The following KCNIP1 variants were observed in gnomAD, a reference collection of about 807,000 sequenced individuals.
KCNIP1 encodes potassium voltage-gated channel interacting protein 1.
Under a neutral mutation model 33.0 loss-of-function variants are expected in KCNIP1, and 18 were observed. The observed-to-expected ratio is 0.55, with a 90% CI of 0.38 to 0.81. The LOEUF is 0.81. Among genes scored for constraint, KCNIP1 ranks in the 30% least tolerant of loss-of-function variants. KCNIP1 has a pLI of 0.00. For missense variants in KCNIP1, 238 were observed against 271.6 expected (o/e 0.88, Z 0.87); for synonymous variants, 93 against 98.3 (o/e 0.95, Z 0.32).
chr5:170,663,797 A>G (rs10475948), intron 1 of KCNIP1, among the ~76,000 whole-genome samples: 100,500 of 151,530 alleles, frequency 0.66, 34,698 homozygotes, highest in African/African-American at 0.86. Context: ...CCCACCTACC[A>G]TGGCCCAGCA....
At chr5:170,416,858 T>A (rs1194126379) in intron 1 of KCNIP1, among the ~76,000 whole-genome samples, 1 of 152,200 alleles carries the variant, frequency 6.6e-6, no homozygotes, top group Non-Finnish European at 1.5e-5. Context: ...GTTTAGTAAT[T>A]TTCCCAGATT....
At chr5:170,685,235 T>C (rs188748572) in intron 1 of KCNIP1, among the ~76,000 whole-genome samples, 2 of 151,686 alleles carry the variant, frequency 1.3e-5, no homozygotes, top group South Asian at 2.1e-4. Flanking sequence ...TCAGAAGCCT[T>C]CTCATTACTT....
intron 1 of KCNIP1, among the ~76,000 whole-genome samples, chr5:170,510,402 G>A (rs11740245): frequency 0.32 from 48,137 of 152,094 alleles, 7,848 homozygotes; most frequent in East Asian, 0.42. Flanking sequence ...GTGCGTTCTT[G>A]ATGGCTCTGA....
At chr5:170,420,137 C>T (rs1755444123) in intron 1 of KCNIP1, among the ~76,000 whole-genome samples, 1 of 152,076 alleles carries the variant, frequency 6.6e-6, no homozygotes, top group Non-Finnish European at 1.5e-5. Flanking sequence ...TTTTATTTAA[C>T]CCAATACAGT....
At chr5:170,561,004 G>A in intron 1 of KCNIP1, 1 of 429,704 alleles carries the variant, frequency 2.3e-6, no homozygotes, top group South Asian at 1.7e-5. Context: ...GCAAGGCATT[G>A]TGGACAAGGA....
intron 1 of KCNIP1, chr5:170,385,614 T>C: frequency 1.2e-6 from 1 of 817,638 alleles, no homozygotes. Context: ...TCCAGAAGTC[T>C]TGCTTTTTGG....
intron 1 of KCNIP1, among the ~76,000 whole-genome samples, chr5:170,397,769 G>C (rs1287030843): frequency 6.6e-6 from 1 of 152,196 alleles, no homozygotes; most frequent in Non-Finnish European, 1.5e-5. Context: ...AGGAGACCTT[G>C]AGAATATGTG....
intron 1 of KCNIP1, among the ~76,000 whole-genome samples, chr5:170,371,671 A>G (rs1433371656): frequency 6.6e-6 from 1 of 152,214 alleles, no homozygotes; most frequent in Admixed American, 6.5e-5. Context: ...CTGTGCCTGG[A>G]AAGATCCTGG....
At chr5:170,574,530 A>G (rs1757529054) in intron 1 of KCNIP1, among the ~76,000 whole-genome samples, 1 of 152,258 alleles carries the variant, frequency 6.6e-6, no homozygotes. Flanking sequence ...AAAAACAATT[A>G]CAGATATGGC....
At chr5:170,611,516 A>G (rs1759151437) in intron 1 of KCNIP1, among the ~76,000 whole-genome samples, 1 of 152,240 alleles carries the variant, frequency 6.6e-6, no homozygotes, top group African/African-American at 2.4e-5. Context: ...AATCATCCAC[A>G]TAGCCCTTGC....
intron 1 of KCNIP1, chr5:170,383,533 G>A: frequency 1.2e-6 from 1 of 856,192 alleles, no homozygotes. Flanking sequence ...ACACAGAAGA[G>A]CTAGGGCTGG....
chr5:170,699,788 T>C (rs1188553390), intron 1 of KCNIP1, among the ~76,000 whole-genome samples: 1 of 152,000 alleles, frequency 6.6e-6, no homozygotes, highest in African/African-American at 2.4e-5. Context: ...CCATGACTTG[T>C]AGGGAGTCTA....
Position 170,490,735 on chromosome 5 carries a change from C to T in KCNIP1, c.88+136771C>T, listed in dbSNP as rs114255159. 3.5e-3 allele frequency among the ~76,000 whole-genome samples: 530 copies of T among 152,272 alleles called. 2 individuals are homozygous for T. Among genetic ancestry groups the T allele is most frequent in the African/African-American group, 0.012 (493 of 41,538 alleles). On this transcript the variant is annotated intron_variant, in intron 1 of 7. Coordinates refer to the KCNIP1 transcript ENST00000377360. Reference sequence around the variant, plus strand: ...CTGCTTATAAAATCCACACTCCTCACGGAGCACCACAGGCCCGCTGTAATC... The same window carrying T: ...CTGCTTATAAAATCCACACTCCTCATGGAGCACCACAGGCCCGCTGTAATC...
chr5:170,653,838 C>G (rs1761153651), intron 1 of KCNIP1, among the ~76,000 whole-genome samples: 1 of 152,054 alleles, frequency 6.6e-6, no homozygotes, highest in African/African-American at 2.4e-5. Flanking sequence ...TTAGCTCCAG[C>G]CTTCCACTCC....
chr5:170,503,504 G>A (rs1372710778), upstream of KCNIP1, among the ~76,000 whole-genome samples: 1 of 151,990 alleles, frequency 6.6e-6, no homozygotes, highest in African/African-American at 2.4e-5. Flanking sequence ...CCTGCCATAG[G>A]AGGATTCTGC....
intron 1 of KCNIP1, among the ~76,000 whole-genome samples, chr5:170,446,614 T>C (rs1300449471): frequency 2.0e-5 from 3 of 152,260 alleles, no homozygotes; most frequent in African/African-American, 7.2e-5. Flanking sequence ...GGTGTACTAG[T>C]ATGCCCAGCT....
chr5:170,420,396 TGTAAGAA>T (rs1329299068), intron 1 of KCNIP1: 1 of 152,168 alleles, frequency 6.6e-6, no homozygotes, highest in African/African-American at 2.4e-5. Context: ...CCTCATTTAC[TGTAAGAA>T]TACAGCATAT....
chr5:170,415,301 C>T (rs1292402375), intron 1 of KCNIP1, among the ~76,000 whole-genome samples: 2 of 152,142 alleles, frequency 1.3e-5, no homozygotes, highest in Non-Finnish European at 2.9e-5. Flanking sequence ...TGTTCCTATC[C>T]TTGGATCCCT....
chr5:170,687,682 C>T (rs1044134946), intron 1 of KCNIP1, among the ~76,000 whole-genome samples: 2 of 152,220 alleles, frequency 1.3e-5, no homozygotes, highest in Non-Finnish European at 2.9e-5. Context: ...GTTATACACT[C>T]TACGATGCAC....
Sources: allele counts gnomAD v4.1 joint callset (sites outside exome capture counted in the v4.1 genomes callset), GRCh38; gene constraint gnomAD v4.1.1; transcripts MANE v1.5; gene names NCBI Gene and HGNC (gene_info 2026-07-23, HGNC 2026-07-21).